Variants in NF2 observed in about 807,000 individuals in gnomAD.
NF2 encodes NF2, moesin-ezrin-radixin like (MERLIN) tumor suppressor, also known as merlin.
In NF2, 8 loss-of-function variants were observed where a neutral mutation model predicts 83.7. The ratio of observed to expected loss-of-function variants is 0.10; its 90% CI spans 0.06 to 0.17. The LOEUF is 0.17. NF2 is among the 10% of genes least tolerant of loss of function. The pLI is 1.00. For synonymous variants in NF2, 266 were observed against 269.6 expected (o/e 0.99, Z 0.13); for missense variants, 533 against 744.4 (o/e 0.72, Z 3.31).
At chr22:29,689,271 C>T (rs545912552) in intron 15 of NF2, among the ~76,000 whole-genome samples, 4 of 151,144 alleles carry the variant, frequency 2.6e-5, no homozygotes, top group Non-Finnish European at 5.9e-5. Context: ...TTCCTCTTTG[C>T]TTATTTGGAA....
intron 1 of NF2, among the ~76,000 whole-genome samples, chr22:29,613,096 C>T (rs1191492618): frequency 7.4e-6 from 1 of 134,482 alleles, no homozygotes; most frequent in East Asian, 2.1e-4. Flanking sequence ...AACTCCATCT[C>T]AAAAAAAAAA....
intron 1 of NF2, among the ~76,000 whole-genome samples, chr22:29,633,134 A>G (rs2065558749): frequency 6.6e-6 from 1 of 152,214 alleles, no homozygotes; most frequent in African/African-American, 2.4e-5. Flanking sequence ...CAACATGTTG[A>G]GGTTAGATTT....
chr22:29,683,065 G>T (rs775544030), intron 15 of NF2: 1 of 1,614,238 alleles, frequency 6.2e-7, no homozygotes, highest in Non-Finnish European at 8.5e-7. Context: ...AGCCCTCAAA[G>T]TAGGTTGTTC....
Position 29,695,213 on chromosome 22 carries a change from C to A in NF2, c.*411C>A. 2.6e-6 allele frequency: 1 copy of A among 385,706 alleles called. No homozygotes were observed. The highest frequency in any genetic ancestry group is 4.9e-6 in the Non-Finnish European group (1 of 205,658). 23.9% of individuals were successfully genotyped at this position (385,706 alleles called of 1,614,324 possible). On this transcript the variant is annotated 3_prime_UTR_variant, in exon 16 of 16. Coordinates refer to ENST00000338641, the MANE Select transcript of NF2 (RefSeq NM_000268.4). The surrounding 1 kb of genome is among the most constrained non-coding windows in gnomAD (Gnocchi z 5.4). The stretch of plus-strand genomic sequence containing the variant: ...GCCAGTGCCATCATCCCCACCCCGC[C>A]CAGGGTTCCGGAACATTCATTCCCC...
Position 29,654,660 on chromosome 22 carries a change from G to T in NF2, c.451G>T (p.Gly151Cys). 6.2e-7 allele frequency: 1 copy of T among 1,613,672 alleles called. No homozygotes were observed. The highest frequency in any genetic ancestry group is 1.7e-4 in the Middle Eastern group (1 of 6,058). ...LASYAVQAKY[G>C]DYDPSVHKRG... Reference sequence around the variant, plus strand: ...GCTCTCCCTTTCTTCTTTCCAGTATGGTGACTACGACCCCAGTGTTCACAA... The same window carrying T: ...GCTCTCCCTTTCTTCTTTCCAGTATTGTGACTACGACCCCAGTGTTCACAA... The change falls in exon 5 of 16, where the codon GGT (glycine) becomes TGT (cysteine). Residue 151 changes from glycine to cysteine, a missense_variant. Gly to Cys is a radical substitution (Grantham distance 159). Transcript: ENST00000338641.
rs745355806 is a variant in NF2 at position 29,613,052 on chromosome 22, C to T, written c.114+8940C>T. ...GAGCTTGCGGTGAGCTGAGATCACG[C>T]GCCACTGCACTCCAGCTTGGGCAAC... On this transcript the variant is annotated intron_variant, in intron 1 of 15. Transcript: ENST00000338641. Among the ~76,000 whole-genome samples the T allele has an allele frequency of 5.3e-5, 8 of 151,636 alleles. No homozygotes were observed. In the East Asian group the frequency reaches 7.7e-4, roughly 15 times the overall value.
chr22:29,654,750 G>A (rs2146967777), intron 5 of NF2, 25 bp downstream of exon 5: 1 of 1,566,036 alleles, frequency 6.4e-7, no homozygotes, highest in African/African-American at 1.4e-5. Context: ...TCCCTTTTCA[G>A]GAAGACATAG....
chr22:29,668,266 A>G lies in NF2; in HGVS notation c.886-67A>G, dbSNP rs559638665. ...CAAGAGCTCAAACTGCTATGGCACT[A>G]GTGGGCCAGTAGGCAGTGAAGTAAA... On this transcript the variant is annotated intron_variant, in intron 9 of 15. Coordinates refer to ENST00000338641, the MANE Select transcript of NF2 (RefSeq NM_000268.4). 1.6e-5 allele frequency: 18 copies of G among 1,114,784 alleles called. No homozygotes were observed. In the African/African-American group the frequency reaches 2.4e-4, roughly 15 times the overall value. The allele number at this position is 1,114,784 out of a possible 1,614,324, so 69.1% of individuals were successfully genotyped here.
intron 13 of NF2, among the ~76,000 whole-genome samples, chr22:29,675,445 T>G (rs1404346416): frequency 6.6e-6 from 1 of 151,892 alleles, no homozygotes; most frequent in African/African-American, 2.4e-5. Flanking sequence ...AGAAGCCTCT[T>G]TCCTTCCTTT....
intron 13 of NF2, among the ~76,000 whole-genome samples, chr22:29,677,691 G>A (rs777873813): frequency 3.3e-5 from 5 of 152,230 alleles, no homozygotes; most frequent in South Asian, 2.1e-4. Flanking sequence ...CATACTTCCC[G>A]TCCGGCAGAC....
At chr22:29,687,547 G>T (rs537118034) in intron 15 of NF2, among the ~76,000 whole-genome samples, 1 of 152,310 alleles carries the variant, frequency 6.6e-6, no homozygotes. Context: ...GAGCCTCCCT[G>T]GCGACCTCTG....
In NF2 at chr22:29,694,718, G is replaced by T. The variant is rs758465978; in HGVS notation, c.1738-34G>T. 1.2e-6 allele frequency: 2 copies of T among 1,611,368 alleles called. No homozygotes were observed. Among genetic ancestry groups the T allele is most frequent in the Non-Finnish European group, 1.7e-6 (2 of 1,178,596 alleles). On this transcript the variant is annotated intron_variant, in intron 15 of 15. Coordinates refer to ENST00000338641, the MANE Select transcript of NF2 (RefSeq NM_000268.4). The surrounding 1 kb of genome is among the most constrained non-coding windows in gnomAD (Gnocchi z 4.1). ...CCCTGTGTGACAGAGCGGAGGTCTT[G>T]TGCCCTCTCAGCTTCTTCTCTGCTT...
At chr22:29,644,545 G>T (rs1409118200) in intron 4 of NF2, among the ~76,000 whole-genome samples, 1 of 150,728 alleles carries the variant, frequency 6.6e-6, no homozygotes, top group Non-Finnish European at 1.5e-5. Flanking sequence ...CTGCAATCTC[G>T]GCACTTTGGG....
intron 9 of NF2, among the ~76,000 whole-genome samples, chr22:29,665,286 G>A (rs1211135742): frequency 6.6e-6 from 1 of 151,644 alleles, no homozygotes; most frequent in African/African-American, 2.4e-5. Context: ...TGTCGCCCAG[G>A]CTGGAGTGCA....
chr22:29,672,900 G>C (rs1001566507), intron 11 of NF2, among the ~76,000 whole-genome samples: 4 of 152,152 alleles, frequency 2.6e-5, no homozygotes, highest in African/African-American at 7.2e-5. Flanking sequence ...GATTATAGGC[G>C]TGAGCCACCG....
At chr22:29,680,671 C>A (rs1207153488) in intron 14 of NF2, among the ~76,000 whole-genome samples, 1 of 152,108 alleles carries the variant, frequency 6.6e-6, no homozygotes, top group African/African-American at 2.4e-5. Flanking sequence ...TTCTTCCTTG[C>A]GTTGGGTGAG....
chr22:29,689,229 C>T (rs2067344900), intron 15 of NF2, among the ~76,000 whole-genome samples: 1 of 151,068 alleles, frequency 6.6e-6, no homozygotes, highest in Non-Finnish European at 1.5e-5. Flanking sequence ...TTGATCTGGC[C>T]ACTTAGTACA....
chr22:29,639,047 G>A (rs1569281532), intron 2 of NF2, 43 bp from the exon 3 acceptor site: 16 of 1,614,004 alleles, frequency 9.9e-6, no homozygotes, highest in Non-Finnish European at 1.4e-5. Context: ...ACAGGAGGAA[G>A]TGCCAATATA....
intron 6 of NF2, 77 bp from the exon 7 acceptor site, chr22:29,658,112 A>G: frequency 7.4e-7 from 1 of 1,358,196 alleles, no homozygotes; most frequent in Non-Finnish European, 1.1e-6. Context: ...CAGGGTCAGA[A>G]TGCTTGATTT....
Sources: allele counts gnomAD v4.1 joint callset (sites outside exome capture counted in the v4.1 genomes callset), GRCh38; gene constraint gnomAD v4.1.1; non-coding constraint Gnocchi (gnomAD v3.1); transcripts MANE v1.5; gene names NCBI Gene and HGNC (gene_info 2026-07-23, HGNC 2026-07-21).